RDH13: variants seen among roughly 807,000 people sequenced by gnomAD.
RDH13 encodes retinol dehydrogenase 13.
A neutral mutation model predicts 28.3 loss-of-function variants in RDH13; 35 were observed. The observed-to-expected ratio is 1.24, with a 90% CI of 0.95 to 1.64. The LOEUF (loss-of-function observed/expected upper bound fraction) is 1.64, where lower values mean the gene tolerates loss of function less well. Ranked by LOEUF, RDH13 falls within the 40% of genes most tolerant of loss-of-function variation. The probability of loss-of-function intolerance (pLI) is 0.00; values close to 1 mark genes in which losing one functional copy is unlikely to be tolerated. For synonymous variants in RDH13, 229 were observed against 198.5 expected, an observed-to-expected ratio of 1.15 and a Z score of -1.29; for missense variants, 514 against 446.3, an observed-to-expected ratio of 1.15 and a Z score of -1.37.
chr19:55,049,737 C>A (rs1237018283), intron 3 of RDH13, among the ~76,000 whole-genome samples: 1 of 149,350 alleles, frequency 6.7e-6, no homozygotes, highest in Non-Finnish European at 1.5e-5. Context: ...TGCAGTGAGC[C>A]GAGATCGCAT....
At chr19:55,046,256 AG>A (rs1259501826) in intron 6 of RDH13, among the ~76,000 whole-genome samples, 9 of 148,136 alleles carry the variant, frequency 6.1e-5, no homozygotes, top group Non-Finnish European at 1.5e-5. Flanking sequence ...AAAAAAAAAA[AG>A]ACATTTATTT....
rs117420255 is a variant in RDH13, at chr19:55,057,038, G to A, written c.185-230C>T. 1.8e-3 allele frequency among the ~76,000 whole-genome samples: 269 copies of A among 152,312 alleles called. 1 individual carries two copies. The highest frequency in any genetic ancestry group is 2.9e-3 in the Non-Finnish European group (199 of 68,038). On this transcript the variant is annotated intron_variant, in intron 2 of 6. Transcript: ENST00000415061. The stretch of plus-strand genomic sequence containing the variant: ...ATATTAGACGGCCGTGAAAAGGAGT[G>A]AAGCACTGGCTCATGCTACAGCAAG...
upstream of RDH13, chr19:55,063,815 C>G (rs1242671636): frequency 6.6e-6 from 1 of 152,540 alleles, no homozygotes; most frequent in Non-Finnish European, 1.5e-5. Context: ...CTGAACTCTG[C>G]CTGAACTACC....
Position 55,045,099 on chromosome 19 carries a change from A to C in RDH13, c.971T>G (p.Val324Gly). 1 of 1,609,264 alleles carries C rather than the reference A, an allele frequency of 6.2e-7. No homozygotes were observed. The highest frequency in any genetic ancestry group is 8.5e-7 in the Non-Finnish European group (1 of 1,177,644). ...TTATCTGGGGAGGGGCTGCTCCCTCACAGAGGGAGCCTCTAAGCCCACCAG... is the reference window on the plus strand; with the variant it reads ...TTATCTGGGGAGGGGCTGCTCCCTCCCAGAGGGAGCCTCTAAGCCCACCAG... ...ARLVGLEAPS[V>G]REQPLPR is the part of the protein sequence containing the mutation. Residue 324 changes from valine (V) to glycine (G), a missense_variant, in exon 7 of 7, where the codon GTG becomes GGG. Transcript: ENST00000415061.
chr19:55,048,758 C>T lies in RDH13; in HGVS notation c.346G>A (p.Glu116Lys), dbSNP rs534057094. ...EFAAKIIEEE[E>K]RVDILINNAG... is the part of the protein sequence containing the mutation. ...TTGTTGATTAGAATGTCCACTCGCT[C>T]CTCCTCTGGAAGAGAGGGGTGGAGG... The change falls in exon 4 of 7, where the codon GAG becomes AAG. Residue 116 changes from glutamate to lysine, a missense_variant. Coordinates refer to ENST00000415061, the MANE Select transcript of RDH13 (RefSeq NM_001145971.2). The T allele has an allele frequency of 5.0e-6, 8 of 1,611,838 alleles. No individual in the cohort carries two copies. The African/African-American group carries it at 5.5e-5, about 11-fold the overall frequency.
At chr19:55,055,108 T>A (rs1053399738) in intron 3 of RDH13, among the ~76,000 whole-genome samples, 2 of 152,078 alleles carry the variant, frequency 1.3e-5, no homozygotes, top group Non-Finnish European at 2.9e-5. Context: ...GAAAGATCCA[T>A]AAAAGTGATT....
At chr19:55,062,852 G>A (rs1186836939) in intron 1 of RDH13, 116 bp downstream of exon 1, 8 of 925,170 alleles carry the variant, frequency 8.6e-6, no homozygotes, top group African/African-American at 1.7e-5. Flanking sequence ...GGGCACTGCG[G>A]GTCGGGAGCT....
chr19:55,041,764 T>C (rs2075036772), downstream of RDH13: 1 of 152,160 alleles, frequency 6.6e-6, no homozygotes, highest in South Asian at 2.1e-4. Flanking sequence ...TCACGGGCTG[T>C]GTTTATCCCC....
At chr19:55,050,128 G>C (rs865845399) in intron 3 of RDH13, among the ~76,000 whole-genome samples, 111 of 149,398 alleles carry the variant, frequency 7.4e-4, no homozygotes, top group Admixed American at 3.8e-3. Flanking sequence ...TTTTTTTTGG[G>C]GGGGGGAGAT....
upstream of RDH13, chr19:55,063,459 C>G (rs1351578582): frequency 1.6e-5 from 3 of 189,638 alleles, no homozygotes; most frequent in East Asian, 3.6e-4. Flanking sequence ...CCTATTCCCT[C>G]ATCTGGAAAT....
intron 1 of RDH13, 144 bp downstream of exon 1, chr19:55,062,824 G>C (rs1011493243): frequency 3.0e-6 from 2 of 666,868 alleles, no homozygotes; most frequent in African/African-American, 3.8e-5. Flanking sequence ...CAGAGCGCAG[G>C]TTTGCCCCAC....
chr19:55,051,819 G>A (rs1030738334), intron 3 of RDH13, among the ~76,000 whole-genome samples: 9 of 151,128 alleles, frequency 6.0e-5, no homozygotes, highest in African/African-American at 1.9e-4. Context: ...AGCAACCTCC[G>A]CCGCCAGGGC....
At chr19:55,063,478 A>G (rs1021335228), upstream of RDH13, 7 of 174,040 alleles carry the variant, frequency 4.0e-5, no homozygotes, top group Non-Finnish European at 8.5e-5. Context: ...ATGTGTGTTT[A>G]CCTTCTTCAT....
intron 3 of RDH13, among the ~76,000 whole-genome samples, chr19:55,054,716 A>G (rs1056863098): frequency 6.7e-6 from 1 of 149,226 alleles, no homozygotes; most frequent in Non-Finnish European, 1.5e-5. Flanking sequence ...CTGTAGGCAC[A>G]TGCCAGGATG....
At chr19:55,063,156 G>A, upstream of RDH13, 4 of 920,628 alleles carry the variant, frequency 4.3e-6, no homozygotes, top group South Asian at 3.1e-5. Flanking sequence ...CGCAGGCGCG[G>A]CTGGGCCCGC....
intron 5 of RDH13, 42 bp downstream of exon 5, chr19:55,048,287 C>CA: frequency 6.2e-7 from 1 of 1,611,804 alleles, no homozygotes; most frequent in Non-Finnish European, 8.5e-7. Flanking sequence ...GCTCTAGGCT[C>CA]AGAGTAAAGC....
intron 6 of RDH13, chr19:55,047,146 T>TTCCTCTGAGACACGGTTTTCTCATCC: frequency 7.1e-7 from 1 of 1,404,260 alleles, no homozygotes; most frequent in Non-Finnish European, 9.2e-7. Context: ...CCACGGCCTC[T>TTCCTCTGAGACACGGTTTTCTCATCC]TCCTCTGAGA....
rs913135362 is a variant in RDH13 at position 55,048,778 on chromosome 19, TGGA to T, written c.341-18_341-16del. On this transcript the variant is annotated splice_polypyrimidine_tract_variant and intron_variant, in intron 3 of 6. Coordinates refer to ENST00000415061, the MANE Select transcript of RDH13 (RefSeq NM_001145971.2). ...TCGCTCCTCCTCTGGAAGAGAGGGG[TGGA>T]GGAGGAGACATCCCGGTGAGGACAG... is the stretch of plus-strand genomic sequence containing the variant. The T allele has an allele frequency of 1.9e-6, 3 of 1,607,278 alleles. No homozygotes were observed. The highest frequency in any genetic ancestry group is 2.6e-6 in the Non-Finnish European group (3 of 1,174,782).
downstream of RDH13, among the ~76,000 whole-genome samples, chr19:55,043,813 TG>T (rs1182213963): frequency 3.3e-5 from 5 of 152,206 alleles, no homozygotes; most frequent in African/African-American, 1.2e-4. Context: ...CATCTCACCC[TG>T]ATCTCTATCC....
Sources: gnomAD v4.1 joint callset for allele counts (sites outside exome capture counted in the v4.1 genomes callset) on GRCh38, gnomAD v4.1.1 for gene constraint, MANE v1.5 for transcripts, NCBI Gene and HGNC (gene_info 2026-07-23, HGNC 2026-07-21) for gene names.